SLC44A1: variants seen among roughly 807,000 people sequenced by gnomAD.
SLC44A1 encodes the protein solute carrier family 44 member 1.
Under a neutral mutation model 79.3 loss-of-function variants are expected in SLC44A1, and 26 were observed. The observed-to-expected ratio is 0.33, with a 90% CI of 0.24 to 0.46. SLC44A1 has a LOEUF of 0.46. Among genes scored for constraint, SLC44A1 ranks in the 20% least tolerant of loss-of-function variants. The pLI is 1.00. For missense variants in SLC44A1, 688 were observed against 798.1 expected (o/e 0.86, Z 1.66); for synonymous variants, 263 against 286.2 (o/e 0.92, Z 0.82).
In SLC44A1 at chr9:105,392,861, G is replaced by C; in HGVS notation, c.*3805G>C. 4.1e-6 allele frequency: 4 copies of C among 985,290 alleles called. No individual in the cohort carries two copies. Among genetic ancestry groups the C allele is most frequent in the Non-Finnish European group, 4.8e-6 (4 of 829,844 alleles). 61.0% of individuals were successfully genotyped at this position (985,290 alleles called of 1,614,324 possible). A position where few individuals can be genotyped will look rare whatever the true frequency, so the allele number is the denominator to read the frequency against. On this transcript the variant is annotated 3_prime_UTR_variant, in exon 16 of 16. Coordinates refer to ENST00000374720, the MANE Select transcript of SLC44A1 (RefSeq NM_080546.5). ...GTCATTTAAATTGGACTTTCCAATA[G>C]CCTTAACATGGCCTCTGAGAAGTTT...
chr9:105,386,125 T>C (rs1828619923), intron 15 of SLC44A1: 1 of 982,698 alleles, frequency 1.0e-6, no homozygotes, highest in Non-Finnish European at 1.2e-6. Flanking sequence ...GTGAGATGGA[T>C]AAATTATTTC....
chr9:105,424,727 A>T (rs757590606), intron 15 of SLC44A1, among the ~76,000 whole-genome samples: 1 of 152,124 alleles, frequency 6.6e-6, no homozygotes, highest in Non-Finnish European at 1.5e-5. Context: ...CAGGCGGATC[A>T]CTTGAGGTCG....
chr9:105,355,274 T>C (rs1827585904), intron 5 of SLC44A1, among the ~76,000 whole-genome samples: 2 of 152,212 alleles, frequency 1.3e-5, no homozygotes, highest in Admixed American at 6.5e-5. Context: ...AGTTGAACCA[T>C]GTTGTAACAA....
chr9:105,419,951 T>C (rs1205285976), intron 15 of SLC44A1, among the ~76,000 whole-genome samples: 1 of 151,734 alleles, frequency 6.6e-6, no homozygotes, highest in Non-Finnish European at 1.5e-5. Flanking sequence ...GGCAATATGT[T>C]TCCATGCTGC....
At chr9:105,349,196 C>A (rs78132990) in intron 5 of SLC44A1, among the ~76,000 whole-genome samples, 3,715 of 152,064 alleles carry the variant, frequency 0.024, 51 homozygotes, top group Middle Eastern at 0.051. Context: ...ACACACACAC[C>A]CCCACATACT....
chr9:105,424,964 A>G (rs1564059809), intron 15 of SLC44A1, among the ~76,000 whole-genome samples: 1 of 148,206 alleles, frequency 6.7e-6, no homozygotes, highest in African/African-American at 2.6e-5. Context: ...AAAAAAAAAG[A>G]AAAGAAAGAA....
chr9:105,437,993 C>G (rs1225141410), intron 15 of SLC44A1, among the ~76,000 whole-genome samples: 1 of 152,204 alleles, frequency 6.6e-6, no homozygotes, highest in Non-Finnish European at 1.5e-5. Flanking sequence ...TGCATTTAAT[C>G]CTTACAACAA....
chr9:105,424,094 T>C (rs1829289585), intron 15 of SLC44A1, among the ~76,000 whole-genome samples: 1 of 152,232 alleles, frequency 6.6e-6, no homozygotes, highest in Admixed American at 6.5e-5. Context: ...AAGAGATTTT[T>C]CAGAGTTAAT....
chr9:105,340,318 C>T (rs1381355107), intron 4 of SLC44A1, among the ~76,000 whole-genome samples: 3 of 152,170 alleles, frequency 2.0e-5, no homozygotes, highest in Non-Finnish European at 4.4e-5. Flanking sequence ...TATGATTCCA[C>T]CCTGGAGTAG....
intron 15 of SLC44A1, among the ~76,000 whole-genome samples, chr9:105,408,965 A>G (rs1829063423): frequency 1.3e-5 from 2 of 152,192 alleles, no homozygotes; most frequent in Admixed American, 1.3e-4. Context: ...ATAACTAAAA[A>G]TATACATTCA....
At chr9:105,345,534 C>G (rs984481807) in intron 4 of SLC44A1, among the ~76,000 whole-genome samples, 1 of 152,016 alleles carries the variant, frequency 6.6e-6, no homozygotes, top group African/African-American at 2.4e-5. Flanking sequence ...AATTCCACTT[C>G]TAAATATGCC....
intron 1 of SLC44A1, among the ~76,000 whole-genome samples, chr9:105,272,221 A>C (rs1177712556): frequency 6.6e-6 from 1 of 152,176 alleles, no homozygotes; most frequent in Admixed American, 6.5e-5. Context: ...TTTTAATTGT[A>C]CACCTTATAT....
At chr9:105,263,692 T>C (rs56403129) in intron 1 of SLC44A1, among the ~76,000 whole-genome samples, 52,920 of 151,724 alleles carry the variant, frequency 0.35, 11,540 homozygotes, top group Non-Finnish European at 0.48. Context: ...CCCGCCACCA[T>C]GCCCAGCTAA....
rs1564050241 is a variant in SLC44A1 at position 105,395,148 on chromosome 9, G to T, written c.*6092G>T. 1 of 985,338 alleles carries T rather than the reference G, an allele frequency of 1.0e-6. No individual in the cohort carries two copies. The highest frequency in any genetic ancestry group is 1.2e-6 in the Non-Finnish European group (1 of 829,964). 61.0% of individuals were successfully genotyped at this position (985,338 alleles called of 1,614,324 possible). A position where few individuals can be genotyped will look rare whatever the true frequency, so the allele number is the denominator to read the frequency against. ...AAGAAAGTGGAAATATAACTGGCTG[G>T]TGAAGAAAGGAGAAAAGTCAGCCCC... On this transcript the variant is annotated 3_prime_UTR_variant, in exon 16 of 16. Transcript: ENST00000374720.
At chr9:105,299,900 G>A (rs1037258685) in intron 2 of SLC44A1, 25 of 985,646 alleles carry the variant, frequency 2.5e-5, no homozygotes, top group Middle Eastern at 5.2e-4. Flanking sequence ...ATTTTCCAGT[G>A]GGTATAGAGA....
At chr9:105,327,853 G>A (rs1826628618) in intron 3 of SLC44A1, among the ~76,000 whole-genome samples, 1 of 152,102 alleles carries the variant, frequency 6.6e-6, no homozygotes, top group Non-Finnish European at 1.5e-5. Flanking sequence ...CCCTGCTCTA[G>A]CACTAGCACA....
At chr9:105,400,771 A>G (rs377570349), downstream of SLC44A1, among the ~76,000 whole-genome samples, 77 of 152,296 alleles carry the variant, frequency 5.1e-4, no homozygotes, top group African/African-American at 1.7e-3. Context: ...CAATGTTTGT[A>G]TTTCTCACCT....
intron 3 of SLC44A1, among the ~76,000 whole-genome samples, chr9:105,315,908 T>C (rs7042140): frequency 0.1 from 15,469 of 152,242 alleles, 2,644 homozygotes; most frequent in African/African-American, 0.35. Flanking sequence ...TTCACCTTTT[T>C]TGAAAATTAT....
In SLC44A1 at chr9:105,292,434, TTGAAA is replaced by T. The variant is rs1453547678; in HGVS notation, c.37-6781_37-6777del. 2.6e-5 allele frequency among the ~76,000 whole-genome samples: 4 copies of T among 152,336 alleles called. No individual in the cohort carries two copies. In the East Asian group the frequency reaches 7.7e-4, roughly 29 times the overall value. ...AAAATCTTTAGTGTGTAAAAAAATC[TTGAAA>T]TGAAGTGAGAAATGGCTGATTTCTT... On this transcript the variant is annotated intron_variant, in intron 1 of 15. Transcript: ENST00000374720.
Sources: gnomAD v4.1 joint callset for allele counts (sites outside exome capture counted in the v4.1 genomes callset) on GRCh38, gnomAD v4.1.1 for gene constraint, MANE v1.5 for transcripts, NCBI Gene and HGNC (gene_info 2026-07-23, HGNC 2026-07-21) for gene names.